HIVEP3: variants seen among roughly 807,000 people sequenced by gnomAD.
HIVEP3 encodes the protein transcription factor HIVEP3.
Under a neutral mutation model 152.8 loss-of-function variants are expected in HIVEP3, and 49 were observed. The observed-to-expected ratio is 0.32, with a 90% CI of 0.26 to 0.41. The LOEUF is 0.41. Ranked by LOEUF, HIVEP3 falls within the 10% of genes least tolerant of loss-of-function variation. The pLI is 1.00. For synonymous variants in HIVEP3, 1,269 were observed against 1,289.0 expected (o/e 0.98, Z 0.33); for missense variants, 2,790 against 3,103.3 (o/e 0.90, Z 2.40).
At chr1:41,956,138 A>G (rs756564277) in intron 1 of HIVEP3, among the ~76,000 whole-genome samples, 5 of 152,232 alleles carry the variant, frequency 3.3e-5, no homozygotes, top group Non-Finnish European at 5.9e-5. Flanking sequence ...CGTTTCTTAT[A>G]GCAAATTATA....
At chr1:41,652,090 C>T (rs1645559730) in intron 2 of HIVEP3, among the ~76,000 whole-genome samples, 1 of 152,112 alleles carries the variant, frequency 6.6e-6, no homozygotes, top group Non-Finnish European at 1.5e-5. Context: ...CACAGCAGTC[C>T]ATGTTTATAG....
At chr1:41,836,832 CA>C (rs1161805001) in intron 1 of HIVEP3, among the ~76,000 whole-genome samples, 1 of 152,196 alleles carries the variant, frequency 6.6e-6, no homozygotes, top group African/African-American at 2.4e-5. Context: ...CCCTATAACC[CA>C]ACAACTCTCT....
chr1:41,553,399 A>C (rs1445903110), intron 5 of HIVEP3, among the ~76,000 whole-genome samples: 1 of 152,184 alleles, frequency 6.6e-6, no homozygotes, highest in Non-Finnish European at 1.5e-5. Flanking sequence ...GTGTCTCTGC[A>C]CATGAGATTG....
At position 41,628,850 on chromosome 1, in the gene HIVEP3, C is replaced by T. The variant is rs559917449; in HGVS notation, c.-623G>A. On this transcript the variant is annotated 5_prime_UTR_variant, in exon 3 of 9. Coordinates refer to ENST00000372583, the MANE Select transcript of HIVEP3 (RefSeq NM_024503.5). Reference sequence around the variant, plus strand: ...CTACGGCAGCCACCCTCCACCTAGGCGCCGCTCTTCCCACCAGAGGGGCGG... The same window carrying T: ...CTACGGCAGCCACCCTCCACCTAGGTGCCGCTCTTCCCACCAGAGGGGCGG... 244 of 1,232,076 alleles carry T rather than the reference C, an allele frequency of 2.0e-4. No homozygotes were observed. The East Asian group carries it at 2.8e-3, about 14-fold the overall frequency. 76.3% of individuals were successfully genotyped at this position (1,232,076 alleles called of 1,614,324 possible).
At chr1:41,615,347 T>C (rs1252709172) in intron 3 of HIVEP3, among the ~76,000 whole-genome samples, 1 of 152,358 alleles carries the variant, frequency 6.6e-6, no homozygotes, top group South Asian at 2.1e-4. Flanking sequence ...TCCCTCACCT[T>C]GGGATGCACT....
intron 1 of HIVEP3, among the ~76,000 whole-genome samples, chr1:41,995,027 G>A (rs1645387824): frequency 6.6e-6 from 1 of 152,100 alleles, no homozygotes; most frequent in Admixed American, 6.6e-5. Flanking sequence ...CTAAGATACA[G>A]AGAGGAAAAA....
chr1:41,572,669 C>T (rs766005617), intron 5 of HIVEP3, among the ~76,000 whole-genome samples: 6 of 152,208 alleles, frequency 3.9e-5, no homozygotes, highest in Non-Finnish European at 8.8e-5. Flanking sequence ...ATCCTCCTCC[C>T]TGATGAATTA....
At chr1:41,673,001 T>A (rs1645900635) in intron 2 of HIVEP3, among the ~76,000 whole-genome samples, 1 of 152,250 alleles carries the variant, frequency 6.6e-6, no homozygotes, top group Non-Finnish European at 1.5e-5. Flanking sequence ...AATATACACA[T>A]GTATAAAATA....
intron 1 of HIVEP3, among the ~76,000 whole-genome samples, chr1:41,719,759 C>T (rs938686256): frequency 6.6e-6 from 1 of 152,228 alleles, no homozygotes; most frequent in African/African-American, 2.4e-5. Context: ...CTCAGGGTCA[C>T]TTCAACCTCA....
At chr1:42,034,936 A>T (rs985193694) in intron 1 of HIVEP3, among the ~76,000 whole-genome samples, 3 of 152,132 alleles carry the variant, frequency 2.0e-5, no homozygotes, top group Non-Finnish European at 2.9e-5. Context: ...CAACCAGAAG[A>T]CATGGAATCG....
chr1:41,735,778 A>C (rs1646908638), intron 1 of HIVEP3, among the ~76,000 whole-genome samples: 1 of 151,938 alleles, frequency 6.6e-6, no homozygotes, highest in South Asian at 2.1e-4. Context: ...GTGCTATCTA[A>C]ATTCACTGCC....
At chr1:41,984,962 C>T (rs1391397930) in intron 1 of HIVEP3, among the ~76,000 whole-genome samples, 1 of 151,590 alleles carries the variant, frequency 6.6e-6, no homozygotes, top group Non-Finnish European at 1.5e-5. Context: ...AAACAAGGCA[C>T]TAAGTCAGAG....
intron 1 of HIVEP3, among the ~76,000 whole-genome samples, chr1:41,904,094 G>A (rs1162051929): frequency 1.3e-5 from 2 of 151,888 alleles, no homozygotes; most frequent in African/African-American, 4.8e-5. Flanking sequence ...ATGGGGTATT[G>A]CTACGTTGCC....
intron 2 of HIVEP3, among the ~76,000 whole-genome samples, chr1:41,690,630 G>A (rs1161041161): frequency 6.6e-6 from 1 of 152,154 alleles, no homozygotes; most frequent in Non-Finnish European, 1.5e-5. Context: ...TGAAAGCATG[G>A]ATTCTGGCCC....
intron 1 of HIVEP3, among the ~76,000 whole-genome samples, chr1:41,893,097 T>C (rs1195305708): frequency 7.9e-6 from 1 of 126,146 alleles, no homozygotes; most frequent in Non-Finnish European, 1.6e-5. Context: ...CACTCTAGCG[T>C]GGGTGACAAA....
chr1:41,951,270 T>C (rs1303817892), intron 1 of HIVEP3, among the ~76,000 whole-genome samples: 1 of 152,208 alleles, frequency 6.6e-6, no homozygotes, highest in Admixed American at 6.5e-5. Flanking sequence ...CTCATGGTGA[T>C]AGAGTTCATA....
intron 1 of HIVEP3, among the ~76,000 whole-genome samples, chr1:41,872,088 G>A (rs559978550): frequency 6.6e-6 from 1 of 152,138 alleles, no homozygotes; most frequent in African/African-American, 2.4e-5. Context: ...ATGCCAGAAA[G>A]TTCCCTCATC....
chr1:41,570,290 C>G (rs1237593937), intron 5 of HIVEP3, among the ~76,000 whole-genome samples: 1 of 152,186 alleles, frequency 6.6e-6, no homozygotes, highest in East Asian at 1.9e-4. Flanking sequence ...TCTGTGTCCC[C>G]ACCCAAAATC....
chr1:41,606,726 A>G (rs1644827672), intron 3 of HIVEP3, among the ~76,000 whole-genome samples: 1 of 151,854 alleles, frequency 6.6e-6, no homozygotes, highest in South Asian at 2.1e-4. Flanking sequence ...TACACATTTA[A>G]AAAACTATTT....
Sources: allele counts gnomAD v4.1 joint callset (sites outside exome capture counted in the v4.1 genomes callset), GRCh38; gene constraint gnomAD v4.1.1; transcripts MANE v1.5; gene names NCBI Gene and HGNC (gene_info 2026-07-23, HGNC 2026-07-21).